FRAS1: variants seen among roughly 807,000 people sequenced by gnomAD.
FRAS1 encodes extracellular matrix organizing protein FRAS1.
Under a neutral mutation model 435.2 loss-of-function variants are expected in FRAS1, and 290 were observed. The observed-to-expected ratio is 0.67, with a 90% CI of 0.61 to 0.73. The LOEUF (loss-of-function observed/expected upper bound fraction) is 0.73, where lower values mean the gene tolerates loss of function less well. FRAS1 is among the 30% of genes least tolerant of loss of function. The pLI, the probability that FRAS1 is intolerant of heterozygous loss-of-function variation, is 0.00. For missense variants in FRAS1, 4,860 were observed against 5,001.5 expected, an observed-to-expected ratio of 0.97 and a Z score of 0.85; for synonymous variants, 1,800 against 1,851.0, an observed-to-expected ratio of 0.97 and a Z score of 0.71.
chr4:78,364,439 T>A (rs768342925), intron 22 of FRAS1, among the ~76,000 whole-genome samples: 2 of 152,242 alleles, frequency 1.3e-5, no homozygotes, highest in African/African-American at 2.4e-5. Flanking sequence ...TAGTATGCAA[T>A]CAGTGGACTA....
chr4:78,492,745 G>A (rs1193792368), intron 59 of FRAS1, among the ~76,000 whole-genome samples: 3 of 152,048 alleles, frequency 2.0e-5, no homozygotes, highest in African/African-American at 4.8e-5. Flanking sequence ...GCAAGGACAC[G>A]GGCAAGGACT....
At chr4:78,066,161 A>G (rs1258433441) in intron 2 of FRAS1, 145 bp downstream of exon 2, 6 of 672,640 alleles carry the variant, frequency 8.9e-6, no homozygotes, top group South Asian at 3.5e-5. Context: ...TTCGGGCACA[A>G]TGATGCTCAA....
intron 2 of FRAS1, chr4:78,180,874 G>A: frequency 6.3e-7 from 1 of 1,594,018 alleles, no homozygotes; most frequent in Non-Finnish European, 8.6e-7. Flanking sequence ...AGTTAAGCCA[G>A]AACTGGGAAT....
Position 78,363,496 on chromosome 4 carries a change from TC to T in FRAS1, c.2423-13del. The T allele has an allele frequency of 1.9e-6, 3 of 1,598,866 alleles. No homozygotes were observed. On this transcript the variant is annotated splice_polypyrimidine_tract_variant and intron_variant, in intron 20 of 73. Coordinates refer to ENST00000512123, the MANE Select transcript of FRAS1 (RefSeq NM_025074.7). Reference sequence around the variant, plus strand: ...ATGAGCACCCGTGCCTTCTCTGTGCTCCCCTTCCCCCTCCAGACTGCCATCA... The same window carrying T: ...ATGAGCACCCGTGCCTTCTCTGTGCTCCCTTCCCCCTCCAGACTGCCATCA...
At chr4:78,375,632 G>A in intron 25 of FRAS1, 107 bp from the exon 26 acceptor site, 1 of 892,780 alleles carries the variant, frequency 1.1e-6, no homozygotes, top group Non-Finnish European at 1.7e-6. Context: ...TTACAGTTGG[G>A]GCTCATTTGT....
At chr4:78,431,620 G>A (rs1374387515) in intron 37 of FRAS1, among the ~76,000 whole-genome samples, 1 of 152,144 alleles carries the variant, frequency 6.6e-6, no homozygotes, top group Non-Finnish European at 1.5e-5. Flanking sequence ...ACTGTGTTCT[G>A]TGAAATCATT....
At chr4:78,254,338 T>A (rs1180757875) in intron 5 of FRAS1, among the ~76,000 whole-genome samples, 2 of 152,220 alleles carry the variant, frequency 1.3e-5, no homozygotes, top group Non-Finnish European at 2.9e-5. Context: ...ATTAAAAGGA[T>A]ACCTCATTTC....
intron 30 of FRAS1, among the ~76,000 whole-genome samples, chr4:78,403,352 T>C (rs111629892): frequency 0.02 from 2,981 of 152,306 alleles, 101 homozygotes; most frequent in African/African-American, 0.067. Context: ...TTTCCTGCTG[T>C]AACTCTTTTA....
At chr4:78,152,109 A>T (rs1300180886) in intron 2 of FRAS1, among the ~76,000 whole-genome samples, 2 of 152,150 alleles carry the variant, frequency 1.3e-5, no homozygotes, top group Non-Finnish European at 2.9e-5. Context: ...ATTCTGTGTC[A>T]TGTCGTGCTA....
rs1178711573 is a variant in FRAS1 at position 78,542,681 on chromosome 4, G to A, written c.*1557G>A. The A allele has an allele frequency of 1.3e-5, 2 of 152,644 alleles. No individual in the cohort carries two copies. Among genetic ancestry groups the A allele is most frequent in the Admixed American group, 1.3e-4 (2 of 15,282 alleles). The allele number at this position is 152,644 out of a possible 1,614,324, so 9.5% of individuals were successfully genotyped here. On this transcript the variant is annotated 3_prime_UTR_variant, in exon 74 of 74. Coordinates refer to ENST00000512123, the MANE Select transcript of FRAS1 (RefSeq NM_025074.7). ...TGAGACTCCAAGCTCCTTGAAAGTA[G>A]GACCTTTGTGAGCCACGCCTTTCAT... is the stretch of plus-strand genomic sequence containing the variant.
intron 35 of FRAS1, among the ~76,000 whole-genome samples, chr4:78,426,246 T>A (rs1733992926): frequency 1.3e-5 from 2 of 152,196 alleles, no homozygotes; most frequent in Non-Finnish European, 2.9e-5. Context: ...CATGGTAGTA[T>A]GCCATTTTGG....
rs72864511 is a variant in FRAS1, at chr4:78,245,414, T to G, written c.309+89T>G. ...ATGTTAAACTTGTGTTGATGAGAGT[T>G]TTTTTCTTTGCCTGGATTGTGGAGG... On this transcript the variant is annotated intron_variant, in intron 4 of 73. Coordinates refer to ENST00000512123, the MANE Select transcript of FRAS1 (RefSeq NM_025074.7). The G allele has an allele frequency of 7.6e-3, 7,067 of 934,934 alleles. 102 individuals carry two copies. Among genetic ancestry groups the G allele is most frequent in the African/African-American group, 0.04 (2,441 of 60,846 alleles). 57.9% of individuals were successfully genotyped at this position (934,934 alleles called of 1,614,324 possible). A position where few individuals can be genotyped will look rare whatever the true frequency, so the allele number is the denominator to read the frequency against.
chr4:78,275,146 T>C (rs1726932667), intron 9 of FRAS1, among the ~76,000 whole-genome samples: 1 of 152,228 alleles, frequency 6.6e-6, no homozygotes, highest in African/African-American at 2.4e-5. Context: ...CCTCTGCCTT[T>C]TTTTGTTTTC....
chr4:78,446,973 C>T (rs910718301), intron 43 of FRAS1, 93 bp downstream of exon 43: 1 of 1,223,190 alleles, frequency 8.2e-7, no homozygotes, highest in African/African-American at 1.5e-5. Flanking sequence ...TATTTCTTTT[C>T]TTGTATATGG....
chr4:78,414,975 C>A (rs1560714143), intron 32 of FRAS1, among the ~76,000 whole-genome samples: 1 of 152,218 alleles, frequency 6.6e-6, no homozygotes, highest in Non-Finnish European at 1.5e-5. Context: ...GAAGCTTCCT[C>A]TGGGGGTGAA....
chr4:78,219,138 C>G (rs1035494813), intron 2 of FRAS1, among the ~76,000 whole-genome samples: 1 of 152,058 alleles, frequency 6.6e-6, no homozygotes, highest in Non-Finnish European at 1.5e-5. Context: ...AAACCAAATG[C>G]TATTTAATGT....
At position 78,464,089 on chromosome 4, in the gene FRAS1, G is replaced by A; in HGVS notation, c.6832G>A (p.Glu2278Lys). Residue 2278 changes from glutamate (E) to lysine (K), a missense_variant, in exon 48 of 74, where the codon GAG becomes AAG. Glu to Lys is a moderately conservative substitution (Grantham distance 56). Transcript: ENST00000512123. ...AAATGTTCAGTATGTCCATTCTAGT[G>A]AGGCTGAGAAACATTCAGATGCCTT... ...SRNVQYVHSS[E>K]AEKHSDAFSF... 1 of 1,613,730 alleles carries A rather than the reference G, an allele frequency of 6.2e-7. No individual in the cohort carries two copies. Among genetic ancestry groups the A allele is most frequent in the Non-Finnish European group, 8.5e-7 (1 of 1,179,830 alleles).
intron 33 of FRAS1, among the ~76,000 whole-genome samples, chr4:78,419,560 A>T (rs1733686296): frequency 6.6e-6 from 1 of 152,230 alleles, no homozygotes; most frequent in Non-Finnish European, 1.5e-5. Flanking sequence ...GAGAATGTAG[A>T]ACTATAGTCA....
intron 34 of FRAS1, among the ~76,000 whole-genome samples, chr4:78,423,239 T>C (rs936307806): frequency 5.9e-5 from 9 of 152,012 alleles, no homozygotes; most frequent in African/African-American, 2.2e-4. Flanking sequence ...TGATCTTGGC[T>C]CACTGCAACT....
Sources: gnomAD v4.1 joint callset for allele counts (sites outside exome capture counted in the v4.1 genomes callset) on GRCh38, gnomAD v4.1.1 for gene constraint, MANE v1.5 for transcripts, NCBI Gene and HGNC (gene_info 2026-07-23, HGNC 2026-07-21) for gene names.